ITPKA: variants seen among roughly 807,000 people sequenced by gnomAD.
The protein encoded by ITPKA is inositol-trisphosphate 3-kinase A, also known as IP3 3-kinase A.
ITPKA carries 16 observed loss-of-function variants against 40.7 expected under a neutral mutation model. The ratio of observed to expected loss-of-function variants is 0.39; its 90% CI spans 0.27 to 0.60. The LOEUF (loss-of-function observed/expected upper bound fraction) is 0.60, where lower values mean the gene tolerates loss of function less well. Ranked by LOEUF, ITPKA falls within the 20% of genes least tolerant of loss-of-function variation. The pLI is 0.50. For synonymous variants in ITPKA, 313 were observed against 289.9 expected (o/e 1.08, Z -0.81); for missense variants, 540 against 649.3 (o/e 0.83, Z 1.83).
Position 41,503,030 on chromosome 15 carries a change from T to C in ITPKA, c.1250T>C (p.Phe417Ser). The C allele has an allele frequency of 6.2e-7, 1 of 1,610,700 alleles. No homozygotes were observed. Among genetic ancestry groups the C allele is most frequent in the Non-Finnish European group, 8.5e-7 (1 of 1,178,182 alleles). ...CHRAGVWLIDFGKTTPLPDGQ... is the reference protein window; with the variant it reads ...CHRAGVWLIDSGKTTPLPDGQ... The stretch of plus-strand genomic sequence containing the variant: ...CGCGCCGGCGTGTGGCTCATCGACT[T>C]CGGCAAGACCACGCCCCTCCCCGAT... The change falls in exon 7 of 7, where the codon TTC becomes TCC. Residue 417 changes from phenylalanine (F) to serine (S), a missense_variant. Transcript: ENST00000260386.
chr15:41,501,374 G>A (rs950168023), intron 1 of ITPKA, 89 bp from the exon 2 acceptor site: 1 of 1,524,700 alleles, frequency 6.6e-7, no homozygotes, highest in South Asian at 1.3e-5. Flanking sequence ...CCGGTGGGTC[G>A]GGGGCGTGGC....
In ITPKA at chr15:41,502,215, G is replaced by A. The variant is rs2051118791; in HGVS notation, c.1008+14G>A. On this transcript the variant is annotated intron_variant, in intron 4 of 6. Transcript: ENST00000260386. Reference sequence around the variant, plus strand: ...GAGGGCATCAAGGTGAGGCAGGCGCGCTTCGCTGGCACCGCCGCAGCCCCA... The same window carrying A: ...GAGGGCATCAAGGTGAGGCAGGCGCACTTCGCTGGCACCGCCGCAGCCCCA... 1 of 1,554,982 alleles carries A rather than the reference G, an allele frequency of 6.4e-7. No individual in the cohort carries two copies. Among genetic ancestry groups the A allele is most frequent in the Non-Finnish European group, 8.7e-7 (1 of 1,148,038 alleles).
chr15:41,494,321 T>G lies in ITPKA; in HGVS notation c.394T>G (p.Ser132Ala). Residue 132 changes from serine (S) to alanine (A), a missense_variant, in exon 1 of 7, where the codon TCG (serine) becomes GCG (alanine). Coordinates refer to ENST00000260386, the MANE Select transcript of ITPKA (RefSeq NM_002220.3). The surrounding 1 kb of genome is among the most constrained non-coding windows in gnomAD (Gnocchi z 7.8). ...TSSVSSTGSS[S>A]LLEDSEDDLL... The stretch of plus-strand genomic sequence containing the variant: ...GTCGGTCTCCTCCACTGGCTCCTCG[T>G]CGCTGCTCGAGGACTCGGAGGACGA... 1 of 1,534,728 alleles carries G rather than the reference T, an allele frequency of 6.5e-7. No individual in the cohort carries two copies. Among genetic ancestry groups the G allele is most frequent in the Middle Eastern group, 1.7e-4 (1 of 5,820 alleles).
At position 41,500,941 on chromosome 15, in the gene ITPKA, A is replaced by G. The variant is rs2051104752; in HGVS notation, c.490-522A>G. On this transcript the variant is annotated intron_variant, in intron 1 of 6. Transcript: ENST00000260386. ...AGAGAACCGCCTGAACCCGGGAGGT[A>G]GAGGTTGCAGTGAGGCCAGATCGCG... 5.0e-5 allele frequency among the ~76,000 whole-genome samples: 7 copies of G among 139,774 alleles called. No individual in the cohort carries two copies. In the South Asian group the frequency reaches 1.5e-3, roughly 31 times the overall value. 91.7% of individuals were successfully genotyped at this position (139,774 alleles called of 152,430 possible).
In ITPKA at chr15:41,502,102, G is replaced by A. The variant is rs1420664531; in HGVS notation, c.909G>A (p.Glu303=). Residue 303 remains glutamate, a synonymous_variant, in exon 4 of 7, where the codon GAG becomes GAA. Coordinates refer to ENST00000260386, the MANE Select transcript of ITPKA (RefSeq NM_002220.3). The part of the protein sequence containing the change: ...LAVDPEAPTE[E]EHAQRAVTKP... ...TGGATCCTGAAGCTCCCACGGAGGA[G>A]GAGCACGCGCAGCGCGCCGTCACCA... 3.7e-6 allele frequency: 6 copies of A among 1,612,408 alleles called. No homozygotes were observed. Among genetic ancestry groups the A allele is most frequent in the Non-Finnish European group, 5.1e-6 (6 of 1,179,706 alleles).
intron 4 of ITPKA, 46 bp from the exon 5 acceptor site, chr15:41,502,356 C>T (rs1174120804): frequency 1.4e-6 from 2 of 1,447,134 alleles, no homozygotes; most frequent in Non-Finnish European, 1.9e-6. Context: ...TGTCCTCTTC[C>T]CCACTGGCGG....
intron 1 of ITPKA, among the ~76,000 whole-genome samples, chr15:41,496,817 G>A (rs1336143015): frequency 2.0e-5 from 3 of 152,176 alleles, no homozygotes; most frequent in Admixed American, 1.3e-4. Flanking sequence ...ATACCTTAGT[G>A]CAAATCGTTT....
chr15:41,499,112 T>C (rs2051093170), intron 1 of ITPKA, among the ~76,000 whole-genome samples: 1 of 152,230 alleles, frequency 6.6e-6, no homozygotes, highest in African/African-American at 2.4e-5. Flanking sequence ...ATACATCATC[T>C]TCCTGGAATT....
intron 1 of ITPKA, among the ~76,000 whole-genome samples, chr15:41,499,361 G>T (rs2051094763): frequency 2.6e-5 from 4 of 152,236 alleles, no homozygotes; most frequent in Admixed American, 2.0e-4. Context: ...CCTGATGGAA[G>T]ATGAGAAAGT....
In ITPKA at chr15:41,494,974, C is replaced by T. The variant is rs2051060617; in HGVS notation, c.489+558C>T. Among the ~76,000 whole-genome samples, 1 of 152,216 alleles carries T rather than the reference C, an allele frequency of 6.6e-6. No homozygotes were observed. The highest frequency in any genetic ancestry group is 1.5e-5 in the Non-Finnish European group (1 of 68,026). On this transcript the variant is annotated intron_variant, in intron 1 of 6. Coordinates refer to ENST00000260386, the MANE Select transcript of ITPKA (RefSeq NM_002220.3). The surrounding 1 kb of genome is among the most constrained non-coding windows in gnomAD (Gnocchi z 7.8). ...GGAGGGAGGGGCGTGGGCCTGGGAG[C>T]TCTGGCTGGGAGCGGAACGCAGCCC...
At chr15:41,495,549 G>C (rs950058149) in intron 1 of ITPKA, among the ~76,000 whole-genome samples, 4 of 152,224 alleles carry the variant, frequency 2.6e-5, no homozygotes, top group Non-Finnish European at 5.9e-5. Flanking sequence ...GCCTCACAGA[G>C]CAGGAACACC....
Position 41,502,813 on chromosome 15 carries a change from A to G in ITPKA, c.1136A>G (p.Gln379Arg), listed in dbSNP as rs752693895. The G allele has an allele frequency of 8.7e-6, 14 of 1,612,338 alleles. No individual in the cohort carries two copies. Among genetic ancestry groups the G allele is most frequent in the Non-Finnish European group, 1.2e-5 (14 of 1,179,268 alleles). The change falls in exon 6 of 7, where the codon CAG becomes CGG. Residue 379 changes from glutamine to arginine, a missense_variant. Gln to Arg is a conservative substitution (Grantham distance 43, BLOSUM62 1). Coordinates refer to ENST00000260386, the MANE Select transcript of ITPKA (RefSeq NM_002220.3). ...VLRRYLNRLQQIRDTLEVSEF... is the reference protein window; with the variant it reads ...VLRRYLNRLQRIRDTLEVSEF... The stretch of plus-strand genomic sequence containing the variant: ...AGGCGGTATCTGAACCGCCTGCAGC[A>G]GATCCGGGACACCCTGGAGGTATCC...
Position 41,494,398 on chromosome 15 carries a change from G to T in ITPKA, c.471G>T (p.Ala157=). The T allele has an allele frequency of 6.8e-7, 1 of 1,479,198 alleles. No individual in the cohort carries two copies. The highest frequency in any genetic ancestry group is 2.8e-5 in the East Asian group (1 of 35,822). The allele number at this position is 1,479,198 out of a possible 1,614,324, so 91.6% of individuals were successfully genotyped here. Residue 157 remains alanine, a synonymous_variant, in exon 1 of 7, where the codon GCG becomes GCT. Coordinates refer to ENST00000260386, the MANE Select transcript of ITPKA (RefSeq NM_002220.3). The surrounding 1 kb of genome is among the most constrained non-coding windows in gnomAD (Gnocchi z 7.8). ...SRSRGNVQLE[A]GEDVGQKNHW... is the part of the protein sequence containing the mutation. ...GCCGCGGCAACGTGCAGCTGGAAGC[G>T]GGCGAGGACGTGGGTCAGGTACGGG...
At position 41,503,172 on chromosome 15, in the gene ITPKA, G is replaced by T. The variant is rs773325394; in HGVS notation, c.*6G>T. 6 of 1,572,494 alleles carry T rather than the reference G, an allele frequency of 3.8e-6. No individual in the cohort carries two copies. Among genetic ancestry groups the T allele is most frequent in the Admixed American group, 1.7e-5 (1 of 57,850 alleles). On this transcript the variant is annotated 3_prime_UTR_variant, in exon 7 of 7. Transcript: ENST00000260386. ...CCAGCCTGGCTGAGAGATGAGGCTG[G>T]ACTCCTGTCCCCGCGGGCCGCTCAC...
intron 1 of ITPKA, among the ~76,000 whole-genome samples, chr15:41,500,047 A>G (rs908244964): frequency 6.6e-6 from 1 of 151,696 alleles, no homozygotes; most frequent in Non-Finnish European, 1.5e-5. Flanking sequence ...TGCAACCTCC[A>G]CCTCCCAGAT....
At chr15:41,502,266 C>A (rs1002890930) in intron 4 of ITPKA, 65 bp downstream of exon 4, 6 of 1,486,346 alleles carry the variant, frequency 4.0e-6, no homozygotes, top group Non-Finnish European at 4.6e-6. Flanking sequence ...CCCGATCCCC[C>A]GCTCCCGCCC....
Position 41,502,841 on chromosome 15 carries a change from G to A in ITPKA, c.1164G>A (p.Glu388=), listed in dbSNP as rs1171489604. 1 of 1,613,016 alleles carries A rather than the reference G, an allele frequency of 6.2e-7. No homozygotes were observed. The highest frequency in any genetic ancestry group is 2.2e-5 in the East Asian group (1 of 44,850). Reference sequence around the variant, plus strand: ...TCCGGGACACCCTGGAGGTATCCGAGTTCTTCAGGAGGCACGAGGTAAGCG... The same window carrying A: ...TCCGGGACACCCTGGAGGTATCCGAATTCTTCAGGAGGCACGAGGTAAGCG... ...QQIRDTLEVS[E]FFRRHEVIGS... is the part of the protein sequence containing the mutation. The change falls in exon 6 of 7, where the codon GAG becomes GAA. Residue 388 remains glutamate, a synonymous_variant. Coordinates refer to ENST00000260386, the MANE Select transcript of ITPKA (RefSeq NM_002220.3).
At chr15:41,502,560 C>G in intron 5 of ITPKA, 57 bp downstream of exon 5, 3 of 1,103,012 alleles carry the variant, frequency 2.7e-6, no homozygotes, top group Non-Finnish European at 4.2e-6. Flanking sequence ...GAGGACTGCC[C>G]CTGTCATCTG....
chr15:41,497,448 G>A (rs57285807), intron 1 of ITPKA, among the ~76,000 whole-genome samples: 5,002 of 152,210 alleles, frequency 0.033, 202 homozygotes, highest in African/African-American at 0.094. Flanking sequence ...GGCTGCTCTC[G>A]AACTCCTGAC....
Sources: allele counts gnomAD v4.1 joint callset (sites outside exome capture counted in the v4.1 genomes callset), GRCh38; gene constraint gnomAD v4.1.1; non-coding constraint Gnocchi (gnomAD v3.1); transcripts MANE v1.5; gene names NCBI Gene and HGNC (gene_info 2026-07-23, HGNC 2026-07-21).